The following CCDC138 variants were observed in gnomAD, a reference collection of about 807,000 sequenced individuals.
The protein encoded by CCDC138 is coiled-coil domain-containing protein 138.
CCDC138 carries 66 observed loss-of-function variants against 82.3 expected under a neutral mutation model. The ratio of observed to expected loss-of-function variants is 0.80; its 90% CI spans 0.66 to 0.98. CCDC138 has a LOEUF of 0.98. CCDC138 is among the 50% of genes least tolerant of loss of function. The pLI is 0.00. For synonymous variants in CCDC138, 297 were observed against 265.4 expected (o/e 1.12, Z -1.16); for missense variants, 816 against 758.9 (o/e 1.08, Z -0.88).
chr2:108,865,266 A>G (rs886269210), intron 13 of CCDC138, among the ~76,000 whole-genome samples: 9 of 152,190 alleles, frequency 5.9e-5, no homozygotes, highest in African/African-American at 2.2e-4. Flanking sequence ...GGCTGTTTCT[A>G]GTCTTTGGCT....
At chr2:108,883,208 G>A (rs868181486) in intron 2 of CCDC138, 4 of 152,320 alleles carry the variant, frequency 2.6e-5, no homozygotes, top group South Asian at 2.1e-4. Context: ...GAGGTCTGCA[G>A]TTATTTATAC....
At chr2:108,811,273 C>G (rs1485414848) in intron 7 of CCDC138, among the ~76,000 whole-genome samples, 1 of 93,716 alleles carries the variant, frequency 1.1e-5, no homozygotes, top group Non-Finnish European at 1.9e-5. Flanking sequence ...GACTGTCTCC[C>G]TCTGTCTCCC....
At chr2:108,809,631 G>T (rs968322644) in intron 7 of CCDC138, among the ~76,000 whole-genome samples, 1 of 151,940 alleles carries the variant, frequency 6.6e-6, no homozygotes, top group African/African-American at 2.4e-5. Context: ...TTTTCAGTTA[G>T]TTTGTTGTTA....
At chr2:108,856,767 A>G (rs377416990) in intron 12 of CCDC138, 27 bp from the exon 13 acceptor site, 1 of 1,594,110 alleles carries the variant, frequency 6.3e-7, no homozygotes, top group Non-Finnish European at 8.5e-7. Context: ...GCAAAACTGC[A>G]GTTGATTGTA....
intron 10 of CCDC138, among the ~76,000 whole-genome samples, chr2:108,831,700 TCTTCCTTCCTTCCTTC>T (rs71383803): frequency 6.9e-6 from 1 of 145,152 alleles, no homozygotes; most frequent in Non-Finnish European, 1.5e-5. Context: ...TGGCACAGAA[TCTTCCTTCCTTCCTTC>T]CTTCCTTCCT....
At chr2:108,790,967 G>A (rs1679812450) in intron 3 of CCDC138, among the ~76,000 whole-genome samples, 1 of 151,870 alleles carries the variant, frequency 6.6e-6, no homozygotes, top group Non-Finnish European at 1.5e-5. Context: ...TCACTGTGTT[G>A]TCCAGGCTGA....
intron 13 of CCDC138, among the ~76,000 whole-genome samples, chr2:108,868,960 G>A (rs1232629846): frequency 1.3e-5 from 2 of 152,104 alleles, no homozygotes; most frequent in South Asian, 2.1e-4. Flanking sequence ...TTTTCTCTAC[G>A]TTCCCAGCTG....
At chr2:108,787,023 C>G (rs1183204996) in intron 1 of CCDC138, 108 bp downstream of exon 1, 10 of 592,954 alleles carry the variant, frequency 1.7e-5, no homozygotes, top group Non-Finnish European at 2.5e-5. Context: ...TGGTCCCGGC[C>G]CCGGCACTCC....
rs1696020583 is a variant in CCDC138 at position 108,876,333 on chromosome 2, CAAGTA to C, written c.*85_*89del. On this transcript the variant is annotated 3_prime_UTR_variant, in exon 15 of 15. Coordinates refer to ENST00000295124, the MANE Select transcript of CCDC138 (RefSeq NM_144978.3). ...ATTACCAAAGTAACTACAATTCTAC[CAAGTA>C]AAGTTATCAGTAGCATCATTTATCA... 5 of 768,038 alleles carry C rather than the reference CAAGTA, an allele frequency of 6.5e-6. No individual in the cohort carries two copies. In the Admixed American group the frequency reaches 1.1e-4, roughly 16 times the overall value. 47.6% of individuals were successfully genotyped at this position (768,038 alleles called of 1,614,324 possible). A position where few individuals can be genotyped will look rare whatever the true frequency, so the allele number is the denominator to read the frequency against.
intron 12 of CCDC138, among the ~76,000 whole-genome samples, chr2:108,855,260 A>G (rs1574247508): frequency 6.6e-6 from 1 of 152,300 alleles, no homozygotes; most frequent in African/African-American, 2.4e-5. Flanking sequence ...CAGTTTTTCT[A>G]ATCCTCAAGG....
intron 11 of CCDC138, among the ~76,000 whole-genome samples, chr2:108,843,555 C>G (rs969433033): frequency 6.6e-6 from 1 of 152,166 alleles, no homozygotes; most frequent in Non-Finnish European, 1.5e-5. Context: ...GTATCAGATT[C>G]TAGTGTGACA....
At chr2:108,788,745 TGA>T in intron 2 of CCDC138, 105 bp from the exon 3 acceptor site, 2 of 1,448,406 alleles carry the variant, frequency 1.4e-6, no homozygotes, top group African/African-American at 1.5e-5. Context: ...AAAAAAAATT[TGA>T]GAGAGAAGAT....
rs762050020 is a variant in CCDC138, at chr2:108,794,565, A to G, written c.420A>G (p.Ser140=). ...TTGCCTTGCCAACTAATACGACCTC[A>G]TCGAGACCTCGGACTGAGTGTTGTA... ...EKVALPTNTT[S]SRPRTECCSD... is the part of the protein sequence containing the mutation. The change falls in exon 5 of 15, where the codon TCA becomes TCG. Residue 140 remains serine (S), a synonymous_variant. Transcript: ENST00000295124. The G allele has an allele frequency of 1.9e-6, 3 of 1,612,734 alleles. No homozygotes were observed. The highest frequency in any genetic ancestry group is 2.2e-5 in the East Asian group (1 of 44,856).
At chr2:108,854,197 T>G (rs1159805823) in intron 12 of CCDC138, among the ~76,000 whole-genome samples, 2 of 147,958 alleles carry the variant, frequency 1.4e-5, no homozygotes, top group Non-Finnish European at 1.5e-5. Flanking sequence ...TCAAAGCAGA[T>G]TTATGTATTT....
chr2:108,798,852 C>CACACA (rs746855718), intron 6 of CCDC138, among the ~76,000 whole-genome samples: 20 of 150,006 alleles, frequency 1.3e-4, no homozygotes, highest in Admixed American at 6.7e-4. Flanking sequence ...CACACACACA[C>CACACA]ATTTTTTCTG....
intron 2 of CCDC138, chr2:108,884,313 CAGGT>C (rs1197676933): frequency 6.6e-6 from 1 of 152,318 alleles, no homozygotes; most frequent in African/African-American, 2.4e-5. Context: ...TCAAAGAAAA[CAGGT>C]AGAGAGGCAC....
downstream of CCDC138, among the ~76,000 whole-genome samples, chr2:108,879,340 T>C (rs550085683): frequency 2.0e-5 from 3 of 152,334 alleles, no homozygotes; most frequent in South Asian, 6.2e-4. Flanking sequence ...GTTTTACAAG[T>C]GGATTGTTTT....
intron 14 of CCDC138, among the ~76,000 whole-genome samples, chr2:108,874,078 A>G (rs902206317): frequency 1.3e-5 from 2 of 152,292 alleles, no homozygotes; most frequent in Admixed American, 6.5e-5. Context: ...TGCTTCATAT[A>G]AAAGTAAGAG....
intron 13 of CCDC138, among the ~76,000 whole-genome samples, chr2:108,869,712 A>G (rs1354265943): frequency 6.6e-6 from 1 of 152,134 alleles, no homozygotes; most frequent in Non-Finnish European, 1.5e-5. Flanking sequence ...AACAGCATAC[A>G]CAGGCCCAGA....
Sources: gnomAD v4.1 joint callset for allele counts (sites outside exome capture counted in the v4.1 genomes callset) on GRCh38, gnomAD v4.1.1 for gene constraint, MANE v1.5 for transcripts, NCBI Gene and HGNC (gene_info 2026-07-23, HGNC 2026-07-21) for gene names.